The following COL27A1 variants were observed in gnomAD, a reference collection of about 807,000 sequenced individuals.
COL27A1 encodes the protein collagen type XXVII alpha 1 chain.
A neutral mutation model predicts 251.3 loss-of-function variants in COL27A1; 106 were observed. That is an observed-to-expected ratio of 0.42 (90% CI 0.36 to 0.50). COL27A1 has a LOEUF of 0.50. Among genes scored for constraint, COL27A1 ranks in the 20% least tolerant of loss-of-function variants. The pLI, the probability that COL27A1 is intolerant of heterozygous loss-of-function variation, is 0.00. For missense variants in COL27A1, 2,325 were observed against 2,522.8 expected (o/e 0.92, Z 1.68); for synonymous variants, 1,000 against 986.3 (o/e 1.01, Z -0.26).
chr9:114,240,095 G>T, intron 19 of COL27A1, 125 bp from the exon 20 acceptor site: 1 of 857,542 alleles, frequency 1.2e-6, no homozygotes, highest in South Asian at 1.4e-5. Context: ...GTGGTTAACT[G>T]ACCTGCCTGG....
chr9:114,301,622 GTTGGGGAGAGATGAAGACC>G, intron 54 of COL27A1, 41 bp from the exon 55 acceptor site: 9 of 1,553,522 alleles, frequency 5.8e-6, no homozygotes, highest in Non-Finnish European at 7.9e-6. Context: ...GAGGGACTGG[GTTGGGGAGAGATGAAGACC>G]CTGTGGACCA....
intron 3 of COL27A1, among the ~76,000 whole-genome samples, chr9:114,171,625 G>A (rs565223781): frequency 1.3e-3 from 203 of 152,106 alleles, no homozygotes; most frequent in Middle Eastern, 3.4e-3. Context: ...CACTATGTCC[G>A]GCTAATTTTT....
At chr9:114,291,156 GT>G (rs983165778) in intron 48 of COL27A1, among the ~76,000 whole-genome samples, 1 of 152,114 alleles carries the variant, frequency 6.6e-6, no homozygotes, top group Non-Finnish European at 1.5e-5. Context: ...CCTTCAACTG[GT>G]TTTTGAGTTG....
At chr9:114,166,342 T>C (rs2135057878) in intron 2 of COL27A1, among the ~76,000 whole-genome samples, 1 of 151,250 alleles carries the variant, frequency 6.6e-6, no homozygotes, top group Middle Eastern at 3.5e-3. Flanking sequence ...CATCTATCCT[T>C]TCATGCATCC....
At chr9:114,181,802 A>G (rs1263137641) in intron 4 of COL27A1, among the ~76,000 whole-genome samples, 1 of 152,190 alleles carries the variant, frequency 6.6e-6, no homozygotes, top group Non-Finnish European at 1.5e-5. Context: ...ACTTGAAGCC[A>G]CCAGGCCCTG....
chr9:114,273,214 C>T (rs1488581775), intron 36 of COL27A1: 2 of 152,180 alleles, frequency 1.3e-5, no homozygotes, highest in Admixed American at 6.5e-5. Flanking sequence ...GTGGCCAGGA[C>T]GACAAGCCAG....
intron 13 of COL27A1, among the ~76,000 whole-genome samples, chr9:114,221,105 G>A (rs749144934): frequency 4.6e-5 from 7 of 152,040 alleles, no homozygotes; most frequent in Non-Finnish European, 8.8e-5. Flanking sequence ...TGGGTAATCC[G>A]GGGTATAGTC....
chr9:114,265,160 GT>G (rs1834648939), intron 31 of COL27A1, 50 bp downstream of exon 31: 2 of 529,662 alleles, frequency 3.8e-6, no homozygotes, highest in South Asian at 3.2e-5. Flanking sequence ...TTTGATGGGG[GT>G]GGGGGGCGGG....
chr9:114,188,192 C>T (rs1828519097), intron 5 of COL27A1, among the ~76,000 whole-genome samples: 1 of 152,216 alleles, frequency 6.6e-6, no homozygotes, highest in African/African-American at 2.4e-5. Context: ...ATATTTATGC[C>T]CACCTTTAAT....
intron 4 of COL27A1, 50 bp from the exon 5 acceptor site, chr9:114,182,972 G>T: frequency 1.3e-6 from 2 of 1,520,462 alleles, no homozygotes; most frequent in Non-Finnish European, 1.8e-6. Flanking sequence ...AGGCGAGATG[G>T]CCCCTGTTTT....
At chr9:114,191,959 C>A (rs1410701747) in intron 5 of COL27A1, among the ~76,000 whole-genome samples, 3 of 152,152 alleles carry the variant, frequency 2.0e-5, no homozygotes, top group Non-Finnish European at 2.9e-5. Flanking sequence ...TCTGGTTTTT[C>A]CATCATGGAC....
Position 114,195,936 on chromosome 9 carries a change from C to T in COL27A1, c.2071-23C>T, listed in dbSNP as rs2567711. ...TCTCTGCTCCCGTTTTCCTGCCTCA[C>T]CCACCTTGTCTGTGTCTTCCAGGGT... On this transcript the variant is annotated intron_variant, in intron 6 of 60. Coordinates refer to ENST00000356083, the MANE Select transcript of COL27A1 (RefSeq NM_032888.4). 0.77 allele frequency: 1,227,761 copies of T among 1,593,008 alleles called. 476,372 individuals carry two copies. Among genetic ancestry groups the T allele is most frequent in the Non-Finnish European group, 0.78 (909,947 of 1,160,872 alleles).
intron 49 of COL27A1, among the ~76,000 whole-genome samples, chr9:114,296,344 G>A (rs571772775): frequency 1.1e-4 from 16 of 152,088 alleles, no homozygotes; most frequent in South Asian, 2.1e-4. Flanking sequence ...AAAAGAACTC[G>A]CAAAACTCAA....
At chr9:114,205,370 A>G (rs1829878449) in intron 8 of COL27A1, among the ~76,000 whole-genome samples, 3 of 152,232 alleles carry the variant, frequency 2.0e-5, no homozygotes, top group Admixed American at 1.3e-4. Context: ...TGATGTTGGC[A>G]TGAGCCGCAC....
At chr9:114,221,567 C>T (rs2060129) in intron 13 of COL27A1, among the ~76,000 whole-genome samples, 110,697 of 152,120 alleles carry the variant, frequency 0.73, 41,205 homozygotes, top group South Asian at 0.89. Flanking sequence ...TCAAACCCTT[C>T]CACCTGTCAT....
intron 58 of COL27A1, 118 bp from the exon 59 acceptor site, chr9:114,307,551 C>A: frequency 1.4e-6 from 1 of 740,004 alleles, no homozygotes. Context: ...CTCACCCACC[C>A]TGACTTCATG....
chr9:114,239,308 C>T (rs1832601493), intron 19 of COL27A1, among the ~76,000 whole-genome samples: 2 of 152,258 alleles, frequency 1.3e-5, no homozygotes, highest in African/African-American at 4.8e-5. Context: ...TCCCAGAGTA[C>T]AGGACCCAAA....
chr9:114,299,497 A>T (rs1473502980), intron 49 of COL27A1, among the ~76,000 whole-genome samples: 1 of 152,196 alleles, frequency 6.6e-6, no homozygotes, highest in Non-Finnish European at 1.5e-5. Flanking sequence ...AGGTTCCTGG[A>T]ATCGTTCACA....
chr9:114,263,977 G>A (rs1376459717), intron 28 of COL27A1, among the ~76,000 whole-genome samples: 1 of 152,216 alleles, frequency 6.6e-6, no homozygotes, highest in Non-Finnish European at 1.5e-5. Flanking sequence ...ATGGCACATG[G>A]CAGCAGAGTC....
Sources: allele counts gnomAD v4.1 joint callset (sites outside exome capture counted in the v4.1 genomes callset), GRCh38; gene constraint gnomAD v4.1.1; transcripts MANE v1.5; gene names NCBI Gene and HGNC (gene_info 2026-07-23, HGNC 2026-07-21).